The following DRGX variants were observed in gnomAD, a reference collection of about 807,000 sequenced individuals.
DRGX encodes the protein dorsal root ganglia homeobox, also known as dorsal root ganglia homeobox protein.
In DRGX, 21 loss-of-function variants were observed where a neutral mutation model predicts 28.6. The observed-to-expected ratio is 0.73, with a 90% CI of 0.52 to 1.06. DRGX has a LOEUF of 1.06. Ranked by LOEUF, DRGX falls within the 50% of genes least tolerant of loss-of-function variation. The probability of loss-of-function intolerance (pLI) is 0.00; values close to 1 mark genes in which losing one functional copy is unlikely to be tolerated. For missense variants in DRGX, 354 were observed against 343.9 expected, an observed-to-expected ratio of 1.03 and a Z score of -0.23; for synonymous variants, 136 against 139.1, an observed-to-expected ratio of 0.98 and a Z score of 0.16.
rs1055043263 is a variant in DRGX, at chr10:49,364,405, A to C, written c.*1711T>G. On this transcript the variant is annotated 3_prime_UTR_variant, in exon 7 of 7. Transcript: ENST00000374139. ...GAAAGTCCTCAAGGACACAAAATTT[A>C]ATCAGCATAACTACTTTTCAGATGC... The C allele has an allele frequency of 1.2e-4, 19 of 152,262 alleles. No individual in the cohort carries two copies. Among genetic ancestry groups the C allele is most frequent in the Non-Finnish European group, 4.4e-5 (3 of 68,048 alleles). The allele number at this position is 152,262 out of a possible 1,614,324, so 9.4% of individuals were successfully genotyped here.
intron 6 of DRGX, among the ~76,000 whole-genome samples, chr10:49,368,034 G>A (rs1849617584): frequency 6.6e-6 from 1 of 152,144 alleles, no homozygotes; most frequent in Admixed American, 6.5e-5. Context: ...GCCAAAGCCA[G>A]GGTACCTTCT....
chr10:49,377,074 C>T (rs992661481), intron 6 of DRGX, among the ~76,000 whole-genome samples: 2 of 152,314 alleles, frequency 1.3e-5, no homozygotes, highest in Non-Finnish European at 2.9e-5. Flanking sequence ...GAATGAAGAA[C>T]AGGAGAGCCT....
In DRGX at chr10:49,365,716, A is replaced by G. The variant is rs1849590656; in HGVS notation, c.*400T>C. On this transcript the variant is annotated 3_prime_UTR_variant, in exon 7 of 7. Transcript: ENST00000374139. ...CGGGACAGGCCCTTTTCTTTTCATG[A>G]AACTTCAGCCCATGCCACAGTTCCT... is the stretch of plus-strand genomic sequence containing the variant. The G allele has an allele frequency of 1.2e-5, 2 of 167,950 alleles. No homozygotes were observed. The highest frequency in any genetic ancestry group is 2.4e-5 in the African/African-American group (1 of 42,096). 10.4% of individuals were successfully genotyped at this position (167,950 alleles called of 1,614,324 possible).
chr10:49,369,289 T>TGCCTG (rs1217017693), intron 6 of DRGX, among the ~76,000 whole-genome samples: 1 of 152,134 alleles, frequency 6.6e-6, no homozygotes, highest in Non-Finnish European at 1.5e-5. Context: ...AGTCTACATG[T>TGCCTG]GCCTGGCTCA....
intron 6 of DRGX, among the ~76,000 whole-genome samples, chr10:49,380,131 G>A (rs963721447): frequency 4.6e-5 from 7 of 152,222 alleles, no homozygotes; most frequent in African/African-American, 7.2e-5. Context: ...CTATGGTGCC[G>A]CCACTTGGCA....
intron 6 of DRGX, among the ~76,000 whole-genome samples, chr10:49,380,053 T>C (rs1033293432): frequency 6.6e-6 from 1 of 152,234 alleles, no homozygotes; most frequent in Non-Finnish European, 1.5e-5. Context: ...GGAACCACGC[T>C]GGGGTTGAGG....
intron 4 of DRGX, among the ~76,000 whole-genome samples, chr10:49,389,368 C>G (rs936187938): frequency 3.3e-5 from 5 of 152,016 alleles, no homozygotes; most frequent in East Asian, 1.9e-4. Context: ...ACCCCAAGCC[C>G]CTACATAAAA....
chr10:49,383,867 T>C (rs1849803745), intron 6 of DRGX, among the ~76,000 whole-genome samples: 1 of 152,246 alleles, frequency 6.6e-6, no homozygotes, highest in Admixed American at 6.5e-5. Flanking sequence ...AACTTCTGTG[T>C]CTAAGCCACC....
intron 4 of DRGX, 80 bp from the exon 5 acceptor site, chr10:49,386,938 C>A (rs1216700186): frequency 1.2e-5 from 17 of 1,448,200 alleles, no homozygotes; most frequent in Non-Finnish European, 6.4e-6. Flanking sequence ...AGTGCTGGCA[C>A]TCACAGCTCA....
At chr10:49,366,705 C>T (rs1849605709) in intron 6 of DRGX, among the ~76,000 whole-genome samples, 1 of 152,174 alleles carries the variant, frequency 6.6e-6, no homozygotes, top group Non-Finnish European at 1.5e-5. Flanking sequence ...ACCTACATTG[C>T]AGGATTATAA....
chr10:49,392,179 G>A (rs182021517), intron 2 of DRGX, among the ~76,000 whole-genome samples: 239 of 152,346 alleles, frequency 1.6e-3, no homozygotes, highest in African/African-American at 5.6e-3. Flanking sequence ...CCATTAACCA[G>A]TGAATACTTT....
chr10:49,386,409 A>G (rs1011644268), intron 6 of DRGX, 69 bp downstream of exon 6: 2 of 1,381,634 alleles, frequency 1.4e-6, no homozygotes, highest in African/African-American at 2.9e-5. Flanking sequence ...GCCAAGACCC[A>G]GGCCGGTCAC....
chr10:49,365,989 T>G lies in DRGX; in HGVS notation c.*127A>C. On this transcript the variant is annotated 3_prime_UTR_variant, in exon 7 of 7. Transcript: ENST00000374139. ...GGGAGCTGTGGGTCTCACTTGCCCGTCCTGGGTCCATGCAGAGGCCCTGGG... is the reference window on the plus strand; with the variant it reads ...GGGAGCTGTGGGTCTCACTTGCCCGGCCTGGGTCCATGCAGAGGCCCTGGG... The G allele has an allele frequency of 8.2e-7, 1 of 1,218,368 alleles. No individual in the cohort carries two copies. Among genetic ancestry groups the G allele is most frequent in the Non-Finnish European group, 1.1e-6 (1 of 915,186 alleles). The allele number at this position is 1,218,368 out of a possible 1,614,324, so 75.5% of individuals were successfully genotyped here. A position where few individuals can be genotyped will look rare whatever the true frequency, so the allele number is the denominator to read the frequency against.
intron 6 of DRGX, among the ~76,000 whole-genome samples, chr10:49,381,530 C>T (rs1243438832): frequency 6.6e-6 from 1 of 152,226 alleles, no homozygotes; most frequent in African/African-American, 2.4e-5. Flanking sequence ...TGTGGAGGCT[C>T]TCTCAATATG....
rs550544102 is a variant in DRGX at position 49,391,832 on chromosome 10, T to G, written c.35-571A>C. 2.7e-3 allele frequency: 1,409 copies of G among 524,058 alleles called. 31 individuals are homozygous for G. The highest frequency in any genetic ancestry group is 0.02 in the South Asian group (1,371 of 69,044). The allele number at this position is 524,058 out of a possible 1,614,324, so 32.5% of individuals were successfully genotyped here. ...TAAGAAGTTTATAAATGAATATTAA[T>G]TACCGTTGGTCACAGCTCATCAGCA... On this transcript the variant is annotated intron_variant, in intron 2 of 6. Coordinates refer to ENST00000374139, the MANE Select transcript of DRGX (RefSeq NM_001276451.2).
intron 6 of DRGX, among the ~76,000 whole-genome samples, chr10:49,379,952 A>C (rs1389209364): frequency 6.6e-6 from 1 of 151,890 alleles, no homozygotes; most frequent in East Asian, 1.9e-4. Context: ...GAACCATGTC[A>C]CCTCTCCAGA....
At chr10:49,394,453 C>T (rs1849943742) in intron 2 of DRGX, among the ~76,000 whole-genome samples, 1 of 152,172 alleles carries the variant, frequency 6.6e-6, no homozygotes, top group African/African-American at 2.4e-5. Flanking sequence ...ATAAATCAAA[C>T]GAGTAGGTTG....
At chr10:49,369,620 G>A (rs1332560384) in intron 6 of DRGX, among the ~76,000 whole-genome samples, 3 of 152,126 alleles carry the variant, frequency 2.0e-5, no homozygotes, top group South Asian at 2.1e-4. Flanking sequence ...ATTGTTCGCC[G>A]GTCAGAGCTT....
chr10:49,394,771 G>A (rs555874512), intron 2 of DRGX, among the ~76,000 whole-genome samples: 10 of 152,046 alleles, frequency 6.6e-5, no homozygotes, highest in African/African-American at 1.9e-4. Flanking sequence ...ATTCTGGCCT[G>A]GGGAGTGGGG....
Sources: allele counts gnomAD v4.1 joint callset (sites outside exome capture counted in the v4.1 genomes callset), GRCh38; gene constraint gnomAD v4.1.1; transcripts MANE v1.5; gene names NCBI Gene and HGNC (gene_info 2026-07-23, HGNC 2026-07-21).